CHRNB3: variants seen among roughly 807,000 people sequenced by gnomAD.
CHRNB3 encodes cholinergic receptor nicotinic beta 3 subunit, also known as neuronal acetylcholine receptor subunit beta-3.
A neutral mutation model predicts 40.6 loss-of-function variants in CHRNB3; 37 were observed. That is an observed-to-expected ratio of 0.91 (90% CI 0.70 to 1.20). The LOEUF is 1.20. Ranked by LOEUF, CHRNB3 falls within the 50% of genes most tolerant of loss-of-function variation. CHRNB3 has a pLI of 0.00. For synonymous variants in CHRNB3, 207 were observed against 207.1 expected (o/e 1.00, Z 0.00); for missense variants, 505 against 551.2 (o/e 0.92, Z 0.84).
In CHRNB3 at chr8:42,708,840, G is replaced by T. The variant is rs746919857; in HGVS notation, c.176G>T (p.Gly59Val). 1.4e-5 allele frequency: 23 copies of T among 1,613,158 alleles called. No homozygotes were observed. Among genetic ancestry groups the T allele is most frequent in the Non-Finnish European group, 1.9e-5 (23 of 1,179,674 alleles). ...AATGACACCATAAAAGTATATTTTGGATTGAAAATATCCCAGCTTGTAGAT... is the reference window on the plus strand; with the variant it reads ...AATGACACCATAAAAGTATATTTTGTATTGAAAATATCCCAGCTTGTAGAT... ...HSNDTIKVYF[G>V]LKISQLVDVD... Residue 59 changes from glycine to valine, a missense_variant, in exon 2 of 6, where the codon GGA becomes GTA. Gly to Val is a moderately radical substitution (Grantham distance 109). Transcript: ENST00000289957.
At chr8:42,712,223 C>T (rs558651947) in intron 3 of CHRNB3, among the ~76,000 whole-genome samples, 1 of 152,218 alleles carries the variant, frequency 6.6e-6, no homozygotes, top group South Asian at 2.1e-4. Flanking sequence ...GAACTCCTGG[C>T]CTCAGGTGAT....
intron 2 of CHRNB3, among the ~76,000 whole-genome samples, chr8:42,709,537 G>T (rs917136418): frequency 3.3e-5 from 5 of 152,096 alleles, no homozygotes; most frequent in Non-Finnish European, 4.4e-5. Context: ...ACACTCACCT[G>T]CCTGGCTGGC....
intron 3 of CHRNB3, among the ~76,000 whole-genome samples, chr8:42,718,531 G>A (rs980007655): frequency 1.3e-5 from 2 of 151,822 alleles, no homozygotes; most frequent in African/African-American, 4.8e-5. Context: ...AAATTAGCCG[G>A]GCATGGTGGC....
intron 3 of CHRNB3, among the ~76,000 whole-genome samples, chr8:42,723,563 C>A (rs1043677322): frequency 6.6e-6 from 1 of 152,150 alleles, no homozygotes; most frequent in African/African-American, 2.4e-5. Context: ...TTCAGGCAGA[C>A]CTTAGCTTAA....
At chr8:42,734,259 C>CAAAAA (rs769371275) in intron 5 of CHRNB3, among the ~76,000 whole-genome samples, 2 of 23,976 alleles carry the variant, frequency 8.3e-5, no homozygotes, top group African/African-American at 1.2e-4. Flanking sequence ...GACTCCATCT[C>CAAAAA]AAAAAAAAAA....
At chr8:42,714,090 T>C (rs1319413438) in intron 3 of CHRNB3, among the ~76,000 whole-genome samples, 1 of 152,146 alleles carries the variant, frequency 6.6e-6, no homozygotes, top group African/African-American at 2.4e-5. Context: ...GCACAGACAA[T>C]GTTGGGGCAG....
chr8:42,728,495 C>T (rs1200973929), intron 3 of CHRNB3, among the ~76,000 whole-genome samples: 1 of 151,934 alleles, frequency 6.6e-6, no homozygotes, highest in Non-Finnish European at 1.5e-5. Context: ...CACCATAGCA[C>T]TCCAGCCTGG....
intron 3 of CHRNB3, among the ~76,000 whole-genome samples, chr8:42,714,624 G>C (rs759885460): frequency 6.6e-6 from 1 of 151,980 alleles, no homozygotes; most frequent in Non-Finnish European, 1.5e-5. Context: ...GTTTTACACA[G>C]ATCTTAGTTC....
chr8:42,704,161 G>C (rs1451261776), intron 1 of CHRNB3, among the ~76,000 whole-genome samples: 1 of 152,234 alleles, frequency 6.6e-6, no homozygotes, highest in Non-Finnish European at 1.5e-5. Flanking sequence ...TGAGGGCTCT[G>C]TTCCTGGCTT....
At chr8:42,733,678 C>T (rs77204675) in intron 5 of CHRNB3, among the ~76,000 whole-genome samples, 7 of 149,880 alleles carry the variant, frequency 4.7e-5, no homozygotes, top group Non-Finnish European at 1.0e-4. Context: ...CTGCAACCTC[C>T]GCCTGCTGGG....
chr8:42,716,699 C>T (rs957105076), intron 3 of CHRNB3, among the ~76,000 whole-genome samples: 1 of 152,026 alleles, frequency 6.6e-6, no homozygotes, highest in Admixed American at 6.5e-5. Flanking sequence ...GACATGGTGC[C>T]GTGGTGGCCC....
intron 1 of CHRNB3, among the ~76,000 whole-genome samples, chr8:42,703,806 A>C (rs2128904533): frequency 6.6e-6 from 1 of 152,296 alleles, no homozygotes; most frequent in South Asian, 2.1e-4. Flanking sequence ...CCTGGTCTCA[A>C]AGGATCAACT....
At chr8:42,713,806 A>T (rs908316761) in intron 3 of CHRNB3, among the ~76,000 whole-genome samples, 11 of 152,134 alleles carry the variant, frequency 7.2e-5, no homozygotes, top group African/African-American at 2.7e-4. Context: ...AAGAGACATC[A>T]TTACCCCTGT....
Position 42,703,435 on chromosome 8 carries a change from A to AAAAAAATATATATAT in CHRNB3, c.53-5281_53-5280insAAAAATATATATATA. 9.1e-4 allele frequency among the ~76,000 whole-genome samples: 43 copies of AAAAAAATATATATAT among 47,384 alleles called. 5 individuals carry two copies. The highest frequency in any genetic ancestry group is 0.021 in the Middle Eastern group (2 of 96). The allele number at this position is 47,384 out of a possible 152,430, so 31.1% of individuals were successfully genotyped here. On this transcript the variant is annotated intron_variant, in intron 1 of 5. Coordinates refer to ENST00000289957, the MANE Select transcript of CHRNB3 (RefSeq NM_000749.5). ...CAAGACTTCGTCTAAAAAAAAAAAAAATATTTATATATATATATATATATA... is the reference window on the plus strand; with the variant it reads ...CAAGACTTCGTCTAAAAAAAAAAAAAAAAAAATATATATATATATTTATATATATATATATATATA...
chr8:42,732,074 A>C lies in CHRNB3; in HGVS notation c.767A>C (p.Tyr256Ser), dbSNP rs774103938. Reference protein sequence around the residue: ...GLSFLTVLVFYLPSDEGEKLS... With the variant: ...GLSFLTVLVFSLPSDEGEKLS... ...TCTTTCCTAACAGTTCTTGTGTTCT[A>C]TTTACCTTCGGATGAAGGAGAAAAA... Residue 256 changes from tyrosine (Y) to serine (S), a missense_variant, in exon 5 of 6, where the codon TAT becomes TCT. Coordinates refer to ENST00000289957, the MANE Select transcript of CHRNB3 (RefSeq NM_000749.5). 7.2e-5 allele frequency: 116 copies of C among 1,613,780 alleles called. 1 individual carries two copies. The Admixed American group carries it at 1.9e-3, about 26-fold the overall frequency.
chr8:42,703,435 A>AAAAAAAAAATATAT, intron 1 of CHRNB3, among the ~76,000 whole-genome samples: 609 of 47,312 alleles, frequency 0.013, 108 homozygotes, highest in Middle Eastern at 0.034. Flanking sequence ...AAAAAAAAAA[A>AAAAAAAAAATATAT]ATATTTATAT....
chr8:42,699,940 C>A, intron 1 of CHRNB3, among the ~76,000 whole-genome samples: 1 of 145,182 alleles, frequency 6.9e-6, no homozygotes. Flanking sequence ...ACAAAATATA[C>A]CAAAAGGCAT....
intron 5 of CHRNB3, among the ~76,000 whole-genome samples, chr8:42,733,592 CTTTTTT>C (rs1208342996): frequency 9.9e-6 from 1 of 101,044 alleles, no homozygotes; most frequent in African/African-American, 4.0e-5. Flanking sequence ...CATCCTTCTT[CTTTTTT>C]TTTTTTTTTT....
chr8:42,719,199 A>T (rs1341870413), intron 3 of CHRNB3, among the ~76,000 whole-genome samples: 1 of 152,162 alleles, frequency 6.6e-6, no homozygotes, highest in Non-Finnish European at 1.5e-5. Flanking sequence ...GCAGCCCCTT[A>T]GAGAACGAGA....
Sources: allele counts gnomAD v4.1 joint callset (sites outside exome capture counted in the v4.1 genomes callset), GRCh38; gene constraint gnomAD v4.1.1; transcripts MANE v1.5; gene names NCBI Gene and HGNC (gene_info 2026-07-23, HGNC 2026-07-21).